STPG2: variants seen among roughly 807,000 people sequenced by gnomAD.
STPG2 encodes the protein sperm tail PG-rich repeat containing 2, also known as sperm-tail PG-rich repeat-containing protein 2.
STPG2 carries 56 observed loss-of-function variants against 54.2 expected under a neutral mutation model. The observed-to-expected ratio is 1.03, with a 90% confidence interval of 0.83 to 1.29. STPG2 has a LOEUF of 1.29. Among genes scored for constraint, STPG2 ranks in the 50% most tolerant of loss-of-function variants. The pLI is 0.00. For synonymous variants in STPG2, 200 were observed against 181.8 expected (o/e 1.10, Z -0.81); for missense variants, 596 against 544.9 (o/e 1.09, Z -0.93).
chr4:97,804,393 C>T (rs4699574), intron 9 of STPG2, among the ~76,000 whole-genome samples: 59,834 of 151,642 alleles, frequency 0.39, 11,919 homozygotes, highest in Middle Eastern at 0.46. Context: ...CCCTGGCTAA[C>T]GTGTGTGTTT....
At chr4:97,637,673 A>T (rs1320728243) in intron 10 of STPG2, among the ~76,000 whole-genome samples, 5 of 152,340 alleles carry the variant, frequency 3.3e-5, no homozygotes, top group African/African-American at 1.2e-4. Flanking sequence ...ATGTGCAAAA[A>T]TCACAAGCAT....
chr4:97,771,410 C>A (rs1435974263), intron 9 of STPG2, among the ~76,000 whole-genome samples: 1 of 152,010 alleles, frequency 6.6e-6, no homozygotes, highest in Non-Finnish European at 1.5e-5. Context: ...GGGGTTCAGA[C>A]CTTTGTGGAG....
chr4:97,604,153 C>T (rs1301865112), intron 10 of STPG2, among the ~76,000 whole-genome samples: 1 of 151,638 alleles, frequency 6.6e-6, no homozygotes, highest in Middle Eastern at 3.4e-3. Flanking sequence ...TACTCTAGGG[C>T]AGCCCTGTAT....
intron 7 of STPG2, among the ~76,000 whole-genome samples, 191 bp downstream of exon 7, chr4:97,972,087 TTG>T (rs1304398665): frequency 1.3e-5 from 2 of 152,172 alleles, no homozygotes; most frequent in Non-Finnish European, 2.9e-5. Flanking sequence ...GAAATTCAAT[TTG>T]TGTTTTTTAT....
intron 8 of STPG2, among the ~76,000 whole-genome samples, chr4:97,897,284 C>G (rs1376163477): frequency 6.6e-6 from 1 of 151,666 alleles, no homozygotes; most frequent in Non-Finnish European, 1.5e-5. Flanking sequence ...TATACGTACC[C>G]CATTTTTTAT....
intron 5 of STPG2, among the ~76,000 whole-genome samples, chr4:98,056,452 G>T (rs897746258): frequency 6.6e-6 from 1 of 152,138 alleles, no homozygotes; most frequent in Admixed American, 6.5e-5. Flanking sequence ...TGCCCCCAGC[G>T]CAGTGAACTC....
At chr4:97,523,299 C>T (rs538032798) in intron 4 of STPG2, among the ~76,000 whole-genome samples, 116 of 151,792 alleles carry the variant, frequency 7.6e-4, no homozygotes, top group African/African-American at 2.0e-3. Flanking sequence ...ATTTTAAGTA[C>T]GTAGTCTCAT....
At chr4:97,789,418 TA>T (rs1310065451) in intron 9 of STPG2, among the ~76,000 whole-genome samples, 1 of 151,996 alleles carries the variant, frequency 6.6e-6, no homozygotes, top group Non-Finnish European at 1.5e-5. Context: ...AAGCCAAACA[TA>T]AAAAAGTTAA....
intron 10 of STPG2, among the ~76,000 whole-genome samples, chr4:97,585,515 C>T (rs538409416): frequency 6.6e-6 from 1 of 152,050 alleles, no homozygotes; most frequent in South Asian, 2.1e-4. Context: ...CTAAAAAAAA[C>T]TAATGTGGCC....
intron 10 of STPG2, among the ~76,000 whole-genome samples, chr4:97,601,092 A>AT (rs1215659743): frequency 4.6e-5 from 7 of 151,944 alleles, no homozygotes; most frequent in Non-Finnish European, 7.4e-5. Flanking sequence ...TGACCTTAAG[A>AT]TTTTTTCATG....
intron 9 of STPG2, among the ~76,000 whole-genome samples, chr4:97,777,297 T>A (rs1212205813): frequency 6.6e-6 from 1 of 151,994 alleles, no homozygotes; most frequent in East Asian, 1.9e-4. Context: ...TTTTTCTCTG[T>A]CGATTTTTAG....
intron 8 of STPG2, chr4:97,893,308 A>G (rs1386289174): frequency 6.6e-6 from 1 of 152,056 alleles, no homozygotes; most frequent in African/African-American, 2.4e-5. Context: ...GATCAAAATG[A>G]TATTTTTGGA....
chr4:97,784,123 AAAATAAAAACACTCAGCCTAGGCAACAAC>A (rs765861388), intron 9 of STPG2, among the ~76,000 whole-genome samples: 85 of 152,040 alleles, frequency 5.6e-4, no homozygotes, highest in Admixed American at 9.2e-4. Flanking sequence ...GAACCAAATA[AAAATAAAAACACTCAGCCTAGGCAACAAC>A]AACAACAAAA....
At chr4:97,468,381 C>T (rs1729839378) in intron 4 of STPG2, among the ~76,000 whole-genome samples, 1 of 151,782 alleles carries the variant, frequency 6.6e-6, no homozygotes, top group African/African-American at 2.4e-5. Context: ...GATTGATTAT[C>T]AAGAAGAAAG....
intron 7 of STPG2, among the ~76,000 whole-genome samples, chr4:97,948,306 C>T (rs1012768723): frequency 6.6e-6 from 1 of 151,970 alleles, no homozygotes; most frequent in African/African-American, 2.4e-5. Context: ...TGAATCTCCT[C>T]TCTTCTTTTC....
At chr4:98,008,945 G>T (rs957163126) in intron 5 of STPG2, among the ~76,000 whole-genome samples, 3 of 151,992 alleles carry the variant, frequency 2.0e-5, no homozygotes, top group African/African-American at 7.2e-5. Context: ...GTTCACAATA[G>T]TGTCTTGTAA....
intron 4 of STPG2, among the ~76,000 whole-genome samples, chr4:97,525,971 T>C (rs1378848220): frequency 6.8e-6 from 1 of 147,484 alleles, no homozygotes; most frequent in Non-Finnish European, 1.5e-5. Flanking sequence ...TACAAATACA[T>C]TTTTTCTAAC....
chr4:97,974,025 C>A (rs2149258579), intron 6 of STPG2, among the ~76,000 whole-genome samples: 1 of 152,294 alleles, frequency 6.6e-6, no homozygotes, highest in African/African-American at 2.4e-5. Flanking sequence ...ACAGACAAAA[C>A]ACCAGCCCAT....
At chr4:97,601,150 G>A (rs932120801) in intron 10 of STPG2, among the ~76,000 whole-genome samples, 6 of 152,024 alleles carry the variant, frequency 3.9e-5, no homozygotes, top group East Asian at 1.9e-4. Context: ...ATGTGCCTTC[G>A]TATTTATTTG....
Sources: gnomAD v4.1 joint callset for allele counts (sites outside exome capture counted in the v4.1 genomes callset) on GRCh38, gnomAD v4.1.1 for gene constraint, MANE v1.5 for transcripts, NCBI Gene and HGNC (gene_info 2026-07-23, HGNC 2026-07-21) for gene names.